The following GALNTL6 variants were observed in gnomAD, a reference collection of about 807,000 sequenced individuals.
The protein encoded by GALNTL6 is polypeptide N-acetylgalactosaminyltransferase like 6.
A neutral mutation model predicts 73.7 loss-of-function variants in GALNTL6; 46 were observed. That is an observed-to-expected ratio of 0.62 (90% CI 0.49 to 0.80). GALNTL6 has a LOEUF of 0.80. GALNTL6 is among the 30% of genes least tolerant of loss of function. The probability of loss-of-function intolerance (pLI) is 0.00; values close to 1 mark genes in which losing one functional copy is unlikely to be tolerated. For synonymous variants in GALNTL6, 259 were observed against 263.7 expected, an observed-to-expected ratio of 0.98 and a Z score of 0.17; for missense variants, 604 against 755.0, an observed-to-expected ratio of 0.80 and a Z score of 2.34.
At chr4:173,034,356 A>C (rs919526667) in intron 12 of GALNTL6, among the ~76,000 whole-genome samples, 2 of 152,088 alleles carry the variant, frequency 1.3e-5, no homozygotes, top group African/African-American at 4.8e-5. Context: ...AGATACTTTC[A>C]TGAGAAGTCA....
At chr4:173,029,118 C>A (rs919759515) in intron 12 of GALNTL6, among the ~76,000 whole-genome samples, 5 of 151,962 alleles carry the variant, frequency 3.3e-5, no homozygotes, top group Admixed American at 6.6e-5. Flanking sequence ...TGATTTGGGA[C>A]CAAAAAATAA....
intron 8 of GALNTL6, among the ~76,000 whole-genome samples, chr4:172,883,664 G>T (rs1745572309): frequency 6.6e-6 from 1 of 152,164 alleles, no homozygotes; most frequent in Non-Finnish European, 1.5e-5. Context: ...TTTGACATAA[G>T]ATTTGGAGGT....
chr4:172,203,317 T>G (rs1030107592), intron 2 of GALNTL6, among the ~76,000 whole-genome samples: 1 of 152,184 alleles, frequency 6.6e-6, no homozygotes, highest in Non-Finnish European at 1.5e-5. Flanking sequence ...GGGAAGAATA[T>G]GTAAGCTTTG....
chr4:172,387,957 A>T (rs1307954567), intron 5 of GALNTL6, among the ~76,000 whole-genome samples: 1 of 151,884 alleles, frequency 6.6e-6, no homozygotes, highest in Non-Finnish European at 1.5e-5. Flanking sequence ...ATACATTTCC[A>T]CTCCACAATC....
chr4:172,622,358 T>C (rs1738995312), intron 5 of GALNTL6, among the ~76,000 whole-genome samples: 1 of 152,060 alleles, frequency 6.6e-6, no homozygotes, highest in Non-Finnish European at 1.5e-5. Context: ...AATCTTAACA[T>C]TTTAGAAACA....
Position 172,809,220 on chromosome 4 carries a change from T to C in GALNTL6, c.554-141T>C. On this transcript the variant is annotated intron_variant, in intron 5 of 12. Coordinates refer to ENST00000506823, the MANE Select transcript of GALNTL6 (RefSeq NM_001034845.3). This position sits in a 1 kb window ranked among gnomAD's most constrained non-coding sequence, Gnocchi z 4.4. ...GTGTAAAATCTAAAAATCTTACTAGTATCTCCCATCTAGATGAGGAGACAA... is the reference window on the plus strand; with the variant it reads ...GTGTAAAATCTAAAAATCTTACTAGCATCTCCCATCTAGATGAGGAGACAA... The C allele has an allele frequency of 1.5e-6, 1 of 645,192 alleles. No individual in the cohort carries two copies. Among genetic ancestry groups the C allele is most frequent in the Non-Finnish European group, 2.7e-6 (1 of 370,150 alleles). 40.0% of individuals were successfully genotyped at this position (645,192 alleles called of 1,614,324 possible).
At chr4:172,031,863 T>C (rs937930228) in intron 2 of GALNTL6, among the ~76,000 whole-genome samples, 1 of 152,090 alleles carries the variant, frequency 6.6e-6, no homozygotes, top group Non-Finnish European at 1.5e-5. Context: ...ATATTAGATA[T>C]AATAACTTGA....
intron 5 of GALNTL6, among the ~76,000 whole-genome samples, chr4:172,366,311 T>C (rs1742556355): frequency 1.3e-5 from 2 of 152,212 alleles, no homozygotes. Context: ...TATAGATCTG[T>C]ATAAATACAA....
At chr4:172,916,659 A>G (rs1378346666) in intron 8 of GALNTL6, among the ~76,000 whole-genome samples, 6 of 152,198 alleles carry the variant, frequency 3.9e-5, no homozygotes, top group Admixed American at 1.3e-4. Flanking sequence ...TGCTTCAAAG[A>G]GAATAAAATA....
At chr4:171,837,820 A>G (rs1457941075) in intron 2 of GALNTL6, among the ~76,000 whole-genome samples, 1 of 150,680 alleles carries the variant, frequency 6.6e-6, no homozygotes, top group Admixed American at 6.6e-5. Context: ...CACATTTCCC[A>G]TCTAGAAATA....
chr4:172,820,318 T>C (rs140621991), intron 7 of GALNTL6, among the ~76,000 whole-genome samples: 1 of 152,348 alleles, frequency 6.6e-6, no homozygotes, highest in African/African-American at 2.4e-5. Context: ...ATGGCACTAA[T>C]TGACCTTCAA....
intron 2 of GALNTL6, among the ~76,000 whole-genome samples, chr4:172,192,347 C>A (rs1170893093): frequency 6.6e-6 from 1 of 152,058 alleles, no homozygotes; most frequent in African/African-American, 2.4e-5. Flanking sequence ...CAATTACCAA[C>A]TTCAAATTAT....
chr4:172,336,966 T>C (rs1175740144), intron 4 of GALNTL6, among the ~76,000 whole-genome samples: 1 of 152,190 alleles, frequency 6.6e-6, no homozygotes, highest in African/African-American at 2.4e-5. Flanking sequence ...AGTTAAGTAT[T>C]ATTGTTGAAT....
In GALNTL6 at chr4:171,890,257, A is replaced by G. The variant is rs145104028; in HGVS notation, c.138+75539A>G. On this transcript the variant is annotated intron_variant, in intron 2 of 12. Transcript: ENST00000506823. The stretch of plus-strand genomic sequence containing the variant: ...AAAGTCAAGTGGTTTTTATAAAACC[A>G]TATATTACATTCTTCTAATTTTCTT... Among the ~76,000 whole-genome samples the G allele has an allele frequency of 2.5e-3, 375 of 152,272 alleles. 3 individuals carry two copies. The highest frequency in any genetic ancestry group is 8.9e-3 in the African/African-American group (368 of 41,576).
intron 2 of GALNTL6, among the ~76,000 whole-genome samples, chr4:171,821,640 G>GATATATATATAT (rs3080305): frequency 0.013 from 1,879 of 146,020 alleles, 30 homozygotes; most frequent in African/African-American, 0.033. Flanking sequence ...AGGCTTAACG[G>GATATATATATAT]ATATATATAT....
chr4:171,958,634 T>A (rs1293399193), intron 2 of GALNTL6, among the ~76,000 whole-genome samples: 1 of 152,112 alleles, frequency 6.6e-6, no homozygotes, highest in African/African-American at 2.4e-5. Flanking sequence ...TAACTGAATA[T>A]CCTAGATATT....
intron 8 of GALNTL6, among the ~76,000 whole-genome samples, chr4:172,892,069 C>T (rs1055881084): frequency 1.3e-5 from 2 of 152,152 alleles, no homozygotes; most frequent in Non-Finnish European, 2.9e-5. Context: ...TTTCATTGAG[C>T]TTGCTTGCCA....
At chr4:171,932,451 G>A (rs773046670) in intron 2 of GALNTL6, among the ~76,000 whole-genome samples, 8 of 152,178 alleles carry the variant, frequency 5.3e-5, no homozygotes, top group Non-Finnish European at 1.2e-4. Context: ...GCTGCACAGG[G>A]AAGCTGGAAG....
chr4:172,226,125 C>A (rs1736858345), intron 2 of GALNTL6, among the ~76,000 whole-genome samples: 1 of 152,174 alleles, frequency 6.6e-6, no homozygotes, highest in Non-Finnish European at 1.5e-5. Flanking sequence ...AATCCTCTTA[C>A]CCACCTCCCC....
Sources: gnomAD v4.1 joint callset for allele counts (sites outside exome capture counted in the v4.1 genomes callset) on GRCh38, gnomAD v4.1.1 for gene constraint, Gnocchi (gnomAD v3.1) non-coding constraint, MANE v1.5 for transcripts, NCBI Gene and HGNC (gene_info 2026-07-23, HGNC 2026-07-21) for gene names.